The following SMC2 variants were observed in gnomAD, a reference collection of about 807,000 sequenced individuals.
The protein encoded by SMC2 is structural maintenance of chromosomes protein 2.
A neutral mutation model predicts 142.6 loss-of-function variants in SMC2; 41 were observed. The observed-to-expected ratio is 0.29, with a 90% CI of 0.22 to 0.37. The LOEUF (loss-of-function observed/expected upper bound fraction) is 0.37, where lower values mean the gene tolerates loss of function less well. SMC2 is among the 10% of genes least tolerant of loss of function. The pLI, the probability that SMC2 is intolerant of heterozygous loss-of-function variation, is 1.00. For missense variants in SMC2, 1,265 were observed against 1,373.7 expected (o/e 0.92, Z 1.25); for synonymous variants, 463 against 457.5 (o/e 1.01, Z -0.15).
intron 9 of SMC2, among the ~76,000 whole-genome samples, chr9:104,111,003 A>T (rs549178256): frequency 2.0e-5 from 3 of 152,340 alleles, no homozygotes; most frequent in Admixed American, 6.5e-5. Flanking sequence ...TGAATCATGA[A>T]CTAATCAAGT....
upstream of SMC2, chr9:104,092,910 G>C (rs1830046491): frequency 6.6e-6 from 1 of 152,144 alleles, no homozygotes; most frequent in Non-Finnish European, 1.5e-5. Context: ...GTTTTAGCAA[G>C]TGGCATCTTG....
chr9:104,118,291 A>G lies in SMC2; in HGVS notation c.1912A>G (p.Lys638Glu). The G allele has an allele frequency of 6.2e-7, 1 of 1,613,736 alleles. No homozygotes were observed. Among genetic ancestry groups the G allele is most frequent in the Non-Finnish European group, 8.5e-7 (1 of 1,179,754 alleles). ...TTGTGACAATATGGATAATGCCAAA[A>G]AAGTGGCCTTTGATAAGAGGATAAT... ...FVCDNMDNAKKVAFDKRIMTR... is the reference protein window; with the variant it reads ...FVCDNMDNAKEVAFDKRIMTR... Residue 638 changes from lysine (K) to glutamate (E), a missense_variant, in exon 15 of 25, where the codon AAA becomes GAA. Lys to Glu is a moderately conservative substitution (Grantham distance 56). This residue lies in a region of SMC2 where 898 missense variants were observed against 904.2 expected (regional missense o/e 0.99). Coordinates refer to ENST00000374793, the MANE Select transcript of SMC2 (RefSeq NM_006444.3).
intron 9 of SMC2, among the ~76,000 whole-genome samples, chr9:104,103,403 A>G (rs536998666): frequency 1.1e-4 from 16 of 152,318 alleles, no homozygotes; most frequent in African/African-American, 3.8e-4. Context: ...AGGGTAATAC[A>G]GAAGAGAGTT....
intron 1 of SMC2, 24 bp from the exon 2 acceptor site, chr9:104,095,297 AGGT>A (rs2131269649): frequency 7.9e-6 from 8 of 1,014,836 alleles, no homozygotes; most frequent in Non-Finnish European, 1.2e-5. Flanking sequence ...CATTCCACTT[AGGT>A]GGTGGTATTT....
chr9:104,096,347 G>A (rs772088187), intron 3 of SMC2, 50 bp downstream of exon 3: 1 of 1,583,542 alleles, frequency 6.3e-7, no homozygotes, highest in South Asian at 1.1e-5. Flanking sequence ...TATGTCTGAT[G>A]TGGTTTTTGG....
In SMC2 at chr9:104,126,685, G is replaced by T. The variant is rs751982454; in HGVS notation, c.2496G>T (p.Glu832Asp). Residue 832 changes from glutamate to aspartate, a missense_variant, in exon 19 of 25, where the codon GAG becomes GAT. Glu to Asp is a conservative substitution (Grantham distance 45). Coordinates refer to ENST00000374793, the MANE Select transcript of SMC2 (RefSeq NM_006444.3). The stretch of plus-strand genomic sequence containing the variant: ...TGGAACTGGAAGAGCTCAAGAGAGA[G>T]CATACATCTTACAAACAACAGCTTG... ...ITLELEELKR[E>D]HTSYKQQLEA... 1 of 1,612,504 alleles carries T rather than the reference G, an allele frequency of 6.2e-7. No individual in the cohort carries two copies. Among genetic ancestry groups the T allele is most frequent in the South Asian group, 1.1e-5 (1 of 91,050 alleles).
chr9:104,092,581 G>C (rs1470428232), upstream of SMC2: 2 of 152,184 alleles, frequency 1.3e-5, no homozygotes, highest in African/African-American at 4.8e-5. Flanking sequence ...GGGGATGCAG[G>C]AATCAAGGCA....
intron 15 of SMC2, among the ~76,000 whole-genome samples, chr9:104,119,457 C>T (rs998962098): frequency 5.3e-5 from 8 of 152,124 alleles, no homozygotes; most frequent in African/African-American, 1.9e-4. Context: ...GTGAAATCGG[C>T]TTATTCTGCT....
rs146281336 is a variant in SMC2, at chr9:104,118,185, C to G, written c.1806C>G (p.Asn602Lys). 5 of 1,613,714 alleles carry G rather than the reference C, an allele frequency of 3.1e-6. No homozygotes were observed. In the Admixed American group the frequency reaches 8.3e-5, roughly 27 times the overall value. Residue 602 changes from asparagine (N) to lysine (K), a missense_variant, in exon 15 of 25, where the codon AAC (asparagine) becomes AAG (lysine). Physicochemically the swap from Asn to Lys is moderately conservative, Grantham distance 94. Coordinates refer to ENST00000374793, the MANE Select transcript of SMC2 (RefSeq NM_006444.3). ...RVAQNLVGPD[N>K]VHVALSLVEY... ...TTGTCCCACAGGTTGGCCCTGACAA[C>G]GTTCATGTGGCTCTTTCCTTGGTTG...
At chr9:104,134,014 T>A (rs1190687487) in intron 22 of SMC2, among the ~76,000 whole-genome samples, 1 of 152,166 alleles carries the variant, frequency 6.6e-6, no homozygotes, top group Non-Finnish European at 1.5e-5. Flanking sequence ...TTTTTTTTCC[T>A]CATGTGATAC....
rs72738788 is a variant in SMC2 at position 104,131,233 on chromosome 9, G to A, written c.2992-776G>A. On this transcript the variant is annotated intron_variant, in intron 21 of 24. Transcript: ENST00000374793. ...ATTTGAGCTGAAATTTCAGGCAACC[G>A]TTATGTCAGAGAAAGAGCATTCCAG... Among the ~76,000 whole-genome samples the A allele has an allele frequency of 8.2e-3, 1,242 of 151,714 alleles. 10 individuals are homozygous for A. Among genetic ancestry groups the A allele is most frequent in the Non-Finnish European group, 9.6e-3 (654 of 67,974 alleles).
At position 104,118,012 on chromosome 9, in the gene SMC2, T is replaced by C. The variant is rs376787441; in HGVS notation, c.1792-159T>C. On this transcript the variant is annotated intron_variant, in intron 14 of 24. Coordinates refer to ENST00000374793, the MANE Select transcript of SMC2 (RefSeq NM_006444.3). ...CCTGCAGTTTTTTTTTCCTGAAACTTTGAGTTTTACATAGCTTTTTAGAAA... is the reference window on the plus strand; with the variant it reads ...CCTGCAGTTTTTTTTTCCTGAAACTCTGAGTTTTACATAGCTTTTTAGAAA... 1.1e-4 allele frequency among the ~76,000 whole-genome samples: 16 copies of C among 152,302 alleles called. No homozygotes were observed. The South Asian group carries it at 3.1e-3, about 30-fold the overall frequency.
intron 14 of SMC2, among the ~76,000 whole-genome samples, chr9:104,116,542 C>T (rs913825392): frequency 7.9e-5 from 9 of 114,154 alleles, no homozygotes; most frequent in African/African-American, 3.6e-4. Flanking sequence ...TCCTTTTTAA[C>T]CTTAAGTCAC....
chr9:104,094,491 G>A lies in SMC2; in HGVS notation c.-62+14G>A, dbSNP rs1378026575. On this transcript the variant is annotated intron_variant, in intron 1 of 24. Transcript: ENST00000374793. ...CCTGAGGCAGCGGTGAGGCGTGTGC[G>A]TGAGCACGGCCGGTTGGGCCGGGCC... 3 of 358,438 alleles carry A rather than the reference G, an allele frequency of 8.4e-6. No homozygotes were observed. Among genetic ancestry groups the A allele is most frequent in the African/African-American group, 6.3e-5 (3 of 47,446 alleles). 22.2% of individuals were successfully genotyped at this position (358,438 alleles called of 1,614,324 possible).
In SMC2 at chr9:104,094,751, A is replaced by C. The variant is rs1830263583; in HGVS notation, c.-62+274A>C. 9 of 251,100 alleles carry C rather than the reference A, an allele frequency of 3.6e-5. No homozygotes were observed. In the East Asian group the frequency reaches 6.0e-4, roughly 17 times the overall value. 15.6% of individuals were successfully genotyped at this position (251,100 alleles called of 1,614,324 possible). ...TACATCTCATCTCTAGTAAATACTT[A>C]AATGACTTCCCCTCCTCCCGGAGTC... On this transcript the variant is annotated intron_variant, in intron 1 of 24. Transcript: ENST00000374793.
chr9:104,107,596 G>T (rs1161261957), intron 9 of SMC2, among the ~76,000 whole-genome samples: 3 of 152,218 alleles, frequency 2.0e-5, no homozygotes, highest in Non-Finnish European at 4.4e-5. Flanking sequence ...TGGGTTATAT[G>T]CTGTGTTTAG....
intron 9 of SMC2, among the ~76,000 whole-genome samples, chr9:104,109,843 T>G (rs988516835): frequency 6.6e-6 from 1 of 152,060 alleles, no homozygotes; most frequent in Non-Finnish European, 1.5e-5. Context: ...TATACAAAAA[T>G]CTATTATAAA....
upstream of SMC2, chr9:104,092,380 TAACA>T (rs1456814837): frequency 1.3e-5 from 2 of 152,240 alleles, no homozygotes; most frequent in Non-Finnish European, 2.9e-5. Flanking sequence ...GTGCAAAGAC[TAACA>T]GTCTGTCTTA....
intron 9 of SMC2, among the ~76,000 whole-genome samples, chr9:104,104,793 G>A (rs2131338768): frequency 6.6e-6 from 1 of 152,288 alleles, no homozygotes; most frequent in Non-Finnish European, 1.5e-5. Flanking sequence ...TGTCTTCTTA[G>A]ATGGATATAA....
Sources: gnomAD v4.1 joint callset for allele counts (sites outside exome capture counted in the v4.1 genomes callset) on GRCh38, gnomAD v4.1.1 for gene constraint, gnomAD v4.1.1 regional missense constraint, MANE v1.5 for transcripts, NCBI Gene and HGNC (gene_info 2026-07-23, HGNC 2026-07-21) for gene names.